The following DMD variants were observed in gnomAD, a reference collection of about 807,000 sequenced individuals.
DMD encodes the protein dystrophin.
A neutral mutation model predicts 330.1 loss-of-function variants in DMD; 63 were observed. That is an observed-to-expected ratio of 0.19 (90% confidence interval 0.16 to 0.24). The LOEUF is 0.24. DMD is among the 10% of genes least tolerant of loss of function. The pLI is 1.00. For missense variants in DMD, 3,344 were observed against 2,684.1 expected (o/e 1.25, Z -5.43); for synonymous variants, 1,223 against 959.8 (o/e 1.27, Z -5.07).
intron 55 of DMD, among the ~76,000 whole-genome samples, chrX:31,551,617 C>T (rs2074491407): frequency 8.9e-6 from 1 of 112,387 alleles, no homozygotes; most frequent in African/African-American, 3.2e-5. Context: ...AGACTCATCC[C>T]TTAAATTTCA....
At chrX:32,614,586 A>T in intron 11 of DMD, 133 bp from the exon 12 acceptor site, 1 of 536,331 alleles carries the variant, frequency 1.9e-6, no homozygotes. Flanking sequence ...ATTGAGAAGG[A>T]TGTAAGTAAA....
intron 50 of DMD, among the ~76,000 whole-genome samples, chrX:31,804,672 C>A: frequency 9.0e-6 from 1 of 111,386 alleles, no homozygotes; most frequent in Non-Finnish European, 1.9e-5. Context: ...TCGCTCCTCA[C>A]CCATTCCCAA....
chrX:31,902,391 G>T (rs146085083), intron 47 of DMD, among the ~76,000 whole-genome samples: 1,739 of 111,552 alleles, frequency 0.016, 16 homozygotes, highest in Non-Finnish European at 0.026. Context: ...AGTTAACCTC[G>T]CTGAACCTGG....
At chrX:33,086,619 G>T (rs1238218449) in intron 1 of DMD, among the ~76,000 whole-genome samples, 1 of 110,300 alleles carries the variant, frequency 9.1e-6, no homozygotes. Context: ...ACTCATTCAT[G>T]AATTGCTAAT....
At chrX:32,014,115 A>G (rs2095739773) in intron 44 of DMD, among the ~76,000 whole-genome samples, 1 of 112,503 alleles carries the variant, frequency 8.9e-6, no homozygotes, top group South Asian at 3.7e-4. Context: ...GTTAAATAGT[A>G]AACTTCCATT....
At chrX:33,135,499 ATATT>A (rs1452266334) in intron 1 of DMD, among the ~76,000 whole-genome samples, 3 of 112,504 alleles carry the variant, frequency 2.7e-5, no homozygotes, top group African/African-American at 9.7e-5. Context: ...TCCTATTAAT[ATATT>A]TATATGCAGA....
intron 1 of DMD, among the ~76,000 whole-genome samples, chrX:33,247,217 C>G (rs187366332): frequency 9.0e-6 from 1 of 111,423 alleles, no homozygotes; most frequent in Non-Finnish European, 1.9e-5. Context: ...AGTAAGACAG[C>G]CAGGGGTTGA....
intron 47 of DMD, among the ~76,000 whole-genome samples, chrX:31,885,611 C>CAAAAAAAAAAAAAAA (rs762289533): frequency 3.8e-5 from 2 of 52,339 alleles, no homozygotes; most frequent in African/African-American, 7.8e-5. Flanking sequence ...CTCCGTCTCA[C>CAAAAAAAAAAAAAAA]AAAAAAAAAA....
chrX:31,775,520 C>T (rs930394609), intron 50 of DMD, among the ~76,000 whole-genome samples: 1 of 110,795 alleles, frequency 9.0e-6, no homozygotes, highest in Non-Finnish European at 1.9e-5. Context: ...GAAGGAATGC[C>T]TAATCAAGTT....
chrX:32,264,294 C>G (rs1041649280), intron 43 of DMD, among the ~76,000 whole-genome samples: 3 of 111,769 alleles, frequency 2.7e-5, no homozygotes, highest in African/African-American at 9.8e-5. Context: ...TTTCCTGAGG[C>G]CTCCCCAGCC....
intron 44 of DMD, among the ~76,000 whole-genome samples, chrX:32,062,240 G>A (rs1193151992): frequency 9.0e-6 from 1 of 110,691 alleles, no homozygotes; most frequent in Non-Finnish European, 1.9e-5. Flanking sequence ...CTCCATGAAA[G>A]AAGACCAAAT....
intron 48 of DMD, among the ~76,000 whole-genome samples, chrX:31,864,398 G>A (rs2093760615): frequency 9.2e-6 from 1 of 108,459 alleles, no homozygotes; most frequent in Non-Finnish European, 1.9e-5. Flanking sequence ...TTAGGTTGGT[G>A]AACGATGAAA....
Position 32,831,642 on chromosome X carries a change from A to G in DMD, c.265-8255T>C, listed in dbSNP as rs774918282. Among the ~76,000 whole-genome samples the G allele has an allele frequency of 4.2e-5, 4 of 94,427 alleles. No homozygotes were observed. In the East Asian group the frequency reaches 1.5e-3, roughly 35 times the overall value. The allele number at this position is 94,427 out of a possible 115,157, so 82.0% of individuals were successfully genotyped here. ...AAACTAAGAGTTACATTCCTGTAAGATATTTACGTGTGTGTGTGTGTGTGT... is the reference window on the plus strand; with the variant it reads ...AAACTAAGAGTTACATTCCTGTAAGGTATTTACGTGTGTGTGTGTGTGTGT... On this transcript the variant is annotated intron_variant, in intron 4 of 78. Coordinates refer to ENST00000357033, the MANE Select transcript of DMD (RefSeq NM_004006.3).
At chrX:32,358,877 T>C (rs1399576508) in intron 37 of DMD, among the ~76,000 whole-genome samples, 1 of 111,993 alleles carries the variant, frequency 8.9e-6, no homozygotes, top group Non-Finnish European at 1.9e-5. Flanking sequence ...CCATTTCATA[T>C]CTATACACTG....
intron 52 of DMD, among the ~76,000 whole-genome samples, chrX:31,723,260 T>G (rs1337991024): frequency 2.0e-5 from 2 of 99,190 alleles, no homozygotes; most frequent in African/African-American, 8.4e-5. Flanking sequence ...TGAATTCTTG[T>G]CCAAAAGTAA....
intron 44 of DMD, among the ~76,000 whole-genome samples, chrX:32,209,722 A>T (rs2097086244): frequency 9.0e-6 from 1 of 110,975 alleles, no homozygotes; most frequent in Non-Finnish European, 1.9e-5. Flanking sequence ...TCCCTTAGGG[A>T]TGACATGTTT....
At chrX:31,886,178 T>C (rs988273750) in intron 47 of DMD, among the ~76,000 whole-genome samples, 2 of 111,451 alleles carry the variant, frequency 1.8e-5, no homozygotes, top group Non-Finnish European at 3.8e-5. Context: ...AAATAAAGAC[T>C]TGATTGAATT....
At chrX:32,047,808 T>G (rs1470731845) in intron 44 of DMD, among the ~76,000 whole-genome samples, 1 of 110,932 alleles carries the variant, frequency 9.0e-6, no homozygotes, top group East Asian at 2.8e-4. Flanking sequence ...ATTTTACACA[T>G]AATTTTGCAA....
At chrX:32,412,157 C>A (rs779849387) in intron 29 of DMD, 4 of 1,126,593 alleles carry the variant, frequency 3.6e-6, no homozygotes, top group Non-Finnish European at 4.7e-6. Context: ...CACAATATCA[C>A]GTACATTAAG....
Sources: allele counts gnomAD v4.1 joint callset (sites outside exome capture counted in the v4.1 genomes callset), GRCh38; gene constraint gnomAD v4.1.1; transcripts MANE v1.5; gene names NCBI Gene and HGNC (gene_info 2026-07-23, HGNC 2026-07-21).